The following TDRD1 variants were observed in gnomAD, a reference collection of about 807,000 sequenced individuals.
TDRD1 encodes tudor domain-containing protein 1.
In TDRD1, 37 loss-of-function variants were observed where a neutral mutation model predicts 140.6. The observed-to-expected ratio is 0.26, with a 90% CI of 0.20 to 0.35. TDRD1 has a LOEUF of 0.35. TDRD1 is among the 10% of genes least tolerant of loss of function. The probability of loss-of-function intolerance (pLI) is 1.00; values close to 1 mark genes in which losing one functional copy is unlikely to be tolerated. For synonymous variants in TDRD1, 506 were observed against 475.7 expected, an observed-to-expected ratio of 1.06 and a Z score of -0.83; for missense variants, 1,243 against 1,393.0, an observed-to-expected ratio of 0.89 and a Z score of 1.71.
chr10:114,228,142 C>T (rs766861848), intron 25 of TDRD1: 12 of 1,558,022 alleles, frequency 7.7e-6, no homozygotes, highest in Admixed American at 1.9e-5. Flanking sequence ...TAAGTTAAAT[C>T]GTATGTTTTC....
At chr10:114,192,910 A>T (rs541924851) in intron 3 of TDRD1, among the ~76,000 whole-genome samples, 243 of 152,336 alleles carry the variant, frequency 1.6e-3, no homozygotes, top group African/African-American at 5.5e-3. Context: ...TTTTAAAAAA[A>T]TTTTTAACTA....
At chr10:114,199,731 A>G (rs576896769) in intron 4 of TDRD1, among the ~76,000 whole-genome samples, 7 of 152,250 alleles carry the variant, frequency 4.6e-5, no homozygotes, top group Non-Finnish European at 1.0e-4. Context: ...ACTCTTTTGT[A>G]TCAAGCTTAT....
rs773946250 is a variant in TDRD1 at position 114,220,805 on chromosome 10, A to G, written c.2732A>G (p.Asn911Ser). The stretch of plus-strand genomic sequence containing the variant: ...GACTTACCAAATGACAGACTTGTTA[A>G]TAAACATGAGCTTCAAGTTCATGTA... Residue 911 changes from asparagine (N) to serine (S), a missense_variant, in exon 19 of 26, where the codon AAT becomes AGT. By Grantham distance (46) the Asn-to-Ser change is conservative. This residue lies in a region of TDRD1 where 601 missense variants were observed against 734.7 expected (regional missense o/e 0.82). Transcript: ENST00000251864. 1.2e-5 allele frequency: 19 copies of G among 1,612,528 alleles called. No individual in the cohort carries two copies. The South Asian group carries it at 2.0e-4, about 17-fold the overall frequency.
At chr10:114,187,759 C>G in intron 1 of TDRD1, 67 bp from the exon 2 acceptor site, 1 of 1,327,530 alleles carries the variant, frequency 7.5e-7, no homozygotes, top group Non-Finnish European at 1.0e-6. Flanking sequence ...GAGAATTCCT[C>G]TGAGCCTGCA....
At chr10:114,203,437 A>C in exon 8 of TDRD1, 6 of 1,613,758 alleles carry the variant, frequency 3.7e-6, no homozygotes, top group Non-Finnish European at 5.1e-6. Flanking sequence ...GTGCAGTTAT[A>C]TTCTTCAGAA....
intron 3 of TDRD1, among the ~76,000 whole-genome samples, chr10:114,191,669 A>C (rs1470286893): frequency 3.3e-5 from 5 of 152,196 alleles, no homozygotes; most frequent in African/African-American, 4.8e-5. Flanking sequence ...TTAAAACTAA[A>C]ACTCTATATC....
chr10:114,228,715 C>T (rs1198301189), intron 25 of TDRD1: 4 of 985,268 alleles, frequency 4.1e-6, no homozygotes, highest in Non-Finnish European at 4.8e-6. Flanking sequence ...ACCCCACCCC[C>T]ATATTTTAAA....
At chr10:114,187,893 A>G (rs1285936811) in exon 2 of TDRD1, 2 of 1,610,406 alleles carry the variant, frequency 1.2e-6, no homozygotes, top group East Asian at 2.2e-5. Context: ...CCTCCTTGTA[A>G]GATGACAGAG....
At chr10:114,208,865 C>G (rs2035298402) in intron 11 of TDRD1, among the ~76,000 whole-genome samples, 1 of 151,932 alleles carries the variant, frequency 6.6e-6, no homozygotes, top group African/African-American at 2.4e-5. Flanking sequence ...CCTCCGCCTC[C>G]TAGGTTCAAG....
intron 4 of TDRD1, among the ~76,000 whole-genome samples, chr10:114,201,190 A>C (rs1051364039): frequency 3.9e-5 from 6 of 152,132 alleles, no homozygotes; most frequent in Non-Finnish European, 5.9e-5. Flanking sequence ...TCTGAGGTCT[A>C]TTAGGAAACT....
At chr10:114,213,834 A>T (rs2035641786) in intron 15 of TDRD1, 143 bp from the exon 16 acceptor site, 1 of 746,456 alleles carries the variant, frequency 1.3e-6, no homozygotes, top group Non-Finnish European at 2.2e-6. Context: ...TTATTGTAAG[A>T]CTGACTTTAC....
intron 11 of TDRD1, among the ~76,000 whole-genome samples, chr10:114,210,141 T>G (rs2035389244): frequency 6.6e-6 from 1 of 152,248 alleles, no homozygotes. Flanking sequence ...TGAATGCATT[T>G]TAAATTTCTA....
exon 22 of TDRD1, chr10:114,226,071 A>G (rs978312600): frequency 1.2e-6 from 2 of 1,614,072 alleles, no homozygotes; most frequent in Non-Finnish European, 1.7e-6. Flanking sequence ...GGTATCGTGC[A>G]GTTGTTCTGG....
At chr10:114,231,745 A>G (rs1439074260) in exon 26 of TDRD1, 2 of 499,808 alleles carry the variant, frequency 4.0e-6, no homozygotes, top group Admixed American at 4.2e-5. Context: ...GAATACTGGC[A>G]AGGAATACAT....
chr10:114,202,174 G>A, intron 5 of TDRD1, 64 bp from the exon 6 acceptor site: 5 of 1,274,654 alleles, frequency 3.9e-6, no homozygotes, highest in South Asian at 1.4e-5. Flanking sequence ...CATAATTGTG[G>A]TTGATAGCCC....
At chr10:114,189,501 G>C (rs987166302) in intron 2 of TDRD1, among the ~76,000 whole-genome samples, 1 of 152,140 alleles carries the variant, frequency 6.6e-6, no homozygotes, top group African/African-American at 2.4e-5. Flanking sequence ...AAGCAATTTC[G>C]GGTTTTAGGA....
chr10:114,202,264 C>A, exon 6 of TDRD1: 1 of 1,602,238 alleles, frequency 6.2e-7, no homozygotes, highest in South Asian at 1.1e-5. Context: ...AATAAATCAT[C>A]TATTGAAACA....
chr10:114,226,331 T>G, intron 22 of TDRD1, 115 bp downstream of exon 22: 1 of 654,938 alleles, frequency 1.5e-6, no homozygotes, highest in Non-Finnish European at 2.6e-6. Context: ...GCCTTAATGT[T>G]TTTAAATATT....
chr10:114,227,984 T>G, intron 24 of TDRD1, 28 bp downstream of exon 24: 1 of 1,612,994 alleles, frequency 6.2e-7, no homozygotes. Context: ...TAAGTGAAAT[T>G]ATACTCCTAA....
Sources: gnomAD v4.1 joint callset for allele counts (sites outside exome capture counted in the v4.1 genomes callset) on GRCh38, gnomAD v4.1.1 for gene constraint, gnomAD v4.1.1 regional missense constraint, MANE v1.5 for transcripts, NCBI Gene and HGNC (gene_info 2026-07-23, HGNC 2026-07-21) for gene names.